FGGY: variants seen among roughly 807,000 people sequenced by gnomAD.
The protein encoded by FGGY is FGGY carbohydrate kinase domain containing.
FGGY carries 72 observed loss-of-function variants against 71.3 expected under a neutral mutation model. That is an observed-to-expected ratio of 1.01 (90% CI 0.84 to 1.23). The LOEUF (loss-of-function observed/expected upper bound fraction) is 1.23, where lower values mean the gene tolerates loss of function less well. Among genes scored for constraint, FGGY ranks in the 50% most tolerant of loss-of-function variants. The pLI is 0.00. For synonymous variants in FGGY, 251 were observed against 250.3 expected, an observed-to-expected ratio of 1.00 and a Z score of -0.02; for missense variants, 668 against 682.3, an observed-to-expected ratio of 0.98 and a Z score of 0.23.
chr1:59,679,383 G>A (rs936886456), intron 14 of FGGY, among the ~76,000 whole-genome samples: 2 of 151,274 alleles, frequency 1.3e-5, no homozygotes, highest in Non-Finnish European at 2.9e-5. Flanking sequence ...AAATAAAGCT[G>A]ATTATCATTA....
At chr1:59,641,684 C>G (rs561639188) in intron 11 of FGGY, among the ~76,000 whole-genome samples, 1 of 151,940 alleles carries the variant, frequency 6.6e-6, no homozygotes, top group Admixed American at 6.6e-5. Context: ...TGTAAAAATG[C>G]AAAAAAGTCA....
chr1:59,336,634 C>T (rs1016881963), intron 2 of FGGY, among the ~76,000 whole-genome samples: 1 of 152,008 alleles, frequency 6.6e-6, no homozygotes, highest in Non-Finnish European at 1.5e-5. Context: ...CCAATGCTCT[C>T]CCTCCCCTTG....
chr1:59,399,071 T>A (rs2061642611), intron 5 of FGGY, among the ~76,000 whole-genome samples: 1 of 152,216 alleles, frequency 6.6e-6, no homozygotes, highest in African/African-American at 2.4e-5. Context: ...GATTTACAAT[T>A]GGGCCTCTTT....
At chr1:59,406,226 T>C (rs2062724703) in intron 5 of FGGY, among the ~76,000 whole-genome samples, 1 of 151,716 alleles carries the variant, frequency 6.6e-6, no homozygotes, top group Admixed American at 6.6e-5. Flanking sequence ...GCAGAAATGC[T>C]CAGAGAGGAG....
intron 5 of FGGY, among the ~76,000 whole-genome samples, chr1:59,423,504 C>G (rs1412042626): frequency 6.6e-6 from 1 of 152,196 alleles, no homozygotes; most frequent in Non-Finnish European, 1.5e-5. Context: ...TTACAACAGC[C>G]TCCATACTGG....
intron 10 of FGGY, among the ~76,000 whole-genome samples, chr1:59,632,844 G>T (rs2096920502): frequency 6.6e-6 from 1 of 152,038 alleles, no homozygotes; most frequent in African/African-American, 2.4e-5. Context: ...GTCTATCACT[G>T]AATATTTACT....
intron 6 of FGGY, among the ~76,000 whole-genome samples, chr1:59,473,184 G>A (rs2093066613): frequency 6.6e-6 from 1 of 152,148 alleles, no homozygotes; most frequent in Non-Finnish European, 1.5e-5. Flanking sequence ...TTTATGAGCT[G>A]TAACACTCAC....
intron 2 of FGGY, among the ~76,000 whole-genome samples, chr1:59,329,617 C>T (rs1004856674): frequency 6.6e-6 from 1 of 152,178 alleles, no homozygotes. Flanking sequence ...CCAGCCACAC[C>T]TTCCTTCTGT....
At chr1:59,379,644 T>C (rs1342389750) in intron 5 of FGGY, among the ~76,000 whole-genome samples, 1 of 152,168 alleles carries the variant, frequency 6.6e-6, no homozygotes, top group Non-Finnish European at 1.5e-5. Flanking sequence ...ATTTTAAAAA[T>C]TTGTTTAATA....
intron 3 of FGGY, among the ~76,000 whole-genome samples, chr1:59,340,428 G>GTC (rs2050437643): frequency 6.6e-6 from 1 of 152,174 alleles, no homozygotes; most frequent in African/African-American, 2.4e-5. Context: ...CTTTGTATAC[G>GTC]ATATTCCTAT....
chr1:59,399,130 A>T (rs2061651245), intron 5 of FGGY, among the ~76,000 whole-genome samples: 1 of 152,294 alleles, frequency 6.6e-6, no homozygotes, highest in South Asian at 2.1e-4. Flanking sequence ...TTCCTATTTT[A>T]TAGAGTTATT....
At chr1:59,507,785 C>T (rs12091586) in intron 6 of FGGY, among the ~76,000 whole-genome samples, 1,761 of 149,888 alleles carry the variant, frequency 0.012, 35 homozygotes, top group African/African-American at 0.041. Flanking sequence ...CTGCCTGCCT[C>T]GGCCTCCCAA....
chr1:59,546,544 T>G lies in FGGY; in HGVS notation c.800-7580T>G, dbSNP rs775030678. 2.9e-3 allele frequency among the ~76,000 whole-genome samples: 434 copies of G among 150,266 alleles called. 3 individuals are homozygous for G. Among genetic ancestry groups the G allele is most frequent in the Non-Finnish European group, 4.5e-3 (305 of 67,664 alleles). The stretch of plus-strand genomic sequence containing the variant: ...TGATGATGATGATGATGATTATTAT[T>G]ATTATTATTTGAGACGGAGTCTGGC... On this transcript the variant is annotated intron_variant, in intron 7 of 15. Coordinates refer to ENST00000303721, the MANE Select transcript of FGGY (RefSeq NM_018291.5).
intron 6 of FGGY, among the ~76,000 whole-genome samples, chr1:59,511,935 G>A (rs620954): frequency 0.014 from 2,161 of 152,266 alleles, 60 homozygotes; most frequent in African/African-American, 0.049. Context: ...GTGGGTTTAC[G>A]TGCGTTTAAG....
intron 4 of FGGY, among the ~76,000 whole-genome samples, chr1:59,368,603 G>A (rs995184487): frequency 2.0e-5 from 3 of 152,202 alleles, no homozygotes; most frequent in African/African-American, 7.2e-5. Context: ...CCTAATGCAG[G>A]CCCAGTGGTT....
chr1:59,339,361 C>G (rs1013320186), intron 2 of FGGY, among the ~76,000 whole-genome samples: 2 of 151,992 alleles, frequency 1.3e-5, no homozygotes, highest in African/African-American at 2.4e-5. Context: ...TTGTACTTAT[C>G]TAATTGGAGG....
chr1:59,319,959 G>A (rs1376320821), intron 1 of FGGY, among the ~76,000 whole-genome samples: 5 of 152,168 alleles, frequency 3.3e-5, no homozygotes, highest in Admixed American at 3.3e-4. Flanking sequence ...TCAAATAATG[G>A]CTTGAAGAAA....
At chr1:59,674,261 G>T in intron 14 of FGGY, 128 bp downstream of exon 14, 1 of 648,316 alleles carries the variant, frequency 1.5e-6, no homozygotes, top group Non-Finnish European at 2.7e-6. Context: ...TCCAGCCAGG[G>T]AAAGCACAAA....
intron 8 of FGGY, among the ~76,000 whole-genome samples, chr1:59,604,851 C>T (rs1289802237): frequency 6.6e-6 from 1 of 152,164 alleles, no homozygotes; most frequent in Non-Finnish European, 1.5e-5. Flanking sequence ...CCTGTGCAAA[C>T]CCTGGGTCCT....
Sources: gnomAD v4.1 joint callset for allele counts (sites outside exome capture counted in the v4.1 genomes callset) on GRCh38, gnomAD v4.1.1 for gene constraint, MANE v1.5 for transcripts, NCBI Gene and HGNC (gene_info 2026-07-23, HGNC 2026-07-21) for gene names.